POLH: variants seen among roughly 807,000 people sequenced by gnomAD.
The protein encoded by POLH is DNA polymerase eta.
In POLH, 53 loss-of-function variants were observed where a neutral mutation model predicts 73.6. That is an observed-to-expected ratio of 0.72 (90% confidence interval 0.58 to 0.91). POLH has a LOEUF of 0.91. Among genes scored for constraint, POLH ranks in the 40% least tolerant of loss-of-function variants. The pLI is 0.00. For missense variants in POLH, 768 were observed against 865.4 expected (o/e 0.89, Z 1.41); for synonymous variants, 292 against 308.5 (o/e 0.95, Z 0.56).
intron 4 of POLH, chr6:43,588,390 T>TTTTCTTTCTTTCCC (rs1280434931): frequency 4.5e-4 from 69 of 152,210 alleles, no homozygotes; most frequent in African/African-American, 1.6e-3. Context: ...CCTTCCTTTC[T>TTTTCTTTCTTTCCC]TTTCTTTCTT....
intron 4 of POLH, among the ~76,000 whole-genome samples, chr6:43,590,486 C>G (rs1765338791): frequency 6.6e-6 from 1 of 150,750 alleles, no homozygotes; most frequent in Admixed American, 6.6e-5. Flanking sequence ...TTCTTTGAGA[C>G]AGAGCCACTC....
At chr6:43,606,587 C>A (rs1767326629) in intron 9 of POLH, among the ~76,000 whole-genome samples, 1 of 152,026 alleles carries the variant, frequency 6.6e-6, no homozygotes, top group African/African-American at 2.4e-5. Flanking sequence ...TGCCACCATA[C>A]CCAGCTAATT....
chr6:43,589,244 T>C (rs780058804), intron 4 of POLH, among the ~76,000 whole-genome samples: 10 of 152,208 alleles, frequency 6.6e-5, no homozygotes, highest in Non-Finnish European at 1.3e-4. Context: ...TGCAGCGTAA[T>C]CCATGATATG....
At chr6:43,597,264 C>T (rs952309315) in intron 4 of POLH, among the ~76,000 whole-genome samples, 1 of 152,136 alleles carries the variant, frequency 6.6e-6, no homozygotes, top group Non-Finnish European at 1.5e-5. Flanking sequence ...TACAGGCCTG[C>T]ACCACCATGC....
intron 9 of POLH, 132 bp from the exon 10 acceptor site, chr6:43,610,422 C>G (rs1400586247): frequency 9.4e-6 from 7 of 748,336 alleles, no homozygotes; most frequent in East Asian, 2.6e-5. Context: ...TACCTTTATT[C>G]TTGACTTTTA....
chr6:43,604,031 TA>T lies in POLH; in HGVS notation c.884+24del. The T allele has an allele frequency of 1.3e-6, 2 of 1,599,882 alleles. No homozygotes were observed. Among genetic ancestry groups the T allele is most frequent in the African/African-American group, 1.3e-5 (1 of 74,618 alleles). On this transcript the variant is annotated intron_variant, in intron 7 of 10. Transcript: ENST00000372236. ...GAATGGGTAAGTGATTCATTTTTTT[TA>T]AAATCATAACCTTTATGGAGATGCT...
chr6:43,608,194 T>C (rs1437422776), intron 9 of POLH, among the ~76,000 whole-genome samples: 4 of 152,186 alleles, frequency 2.6e-5, no homozygotes, highest in African/African-American at 9.7e-5. Flanking sequence ...CTCTTTATTA[T>C]TGAGTTTTAA....
At chr6:43,581,494 C>T (rs919491770) in intron 1 of POLH, among the ~76,000 whole-genome samples, 2 of 148,580 alleles carry the variant, frequency 1.3e-5, no homozygotes, top group Non-Finnish European at 3.0e-5. Flanking sequence ...GACGGGGTGG[C>T]GGCCGGGCAG....
chr6:43,578,268 T>C (rs1288025997), intron 1 of POLH, among the ~76,000 whole-genome samples: 2 of 152,064 alleles, frequency 1.3e-5, no homozygotes, highest in African/African-American at 4.8e-5. Flanking sequence ...GCGCCTGTAA[T>C]CCCAGCTACT....
In POLH at chr6:43,613,919, A is replaced by G; in HGVS notation, c.1504A>G (p.Thr502Ala). The G allele has an allele frequency of 6.2e-7, 1 of 1,613,830 alleles. No individual in the cohort carries two copies. The highest frequency in any genetic ancestry group is 8.5e-7 in the Non-Finnish European group (1 of 1,180,040). Residue 502 changes from threonine (T) to alanine (A), a missense_variant, in exon 11 of 11, where the codon ACT (threonine) becomes GCT (alanine). Thr to Ala is a moderately conservative substitution (Grantham distance 58, BLOSUM62 0). Coordinates refer to ENST00000372236, the MANE Select transcript of POLH (RefSeq NM_006502.3). The part of the protein sequence containing the change: ...KVKEASLSSL[T>A]APTQAPMSNS... ...TAAAGAAGCTTCGCTTTCATCTCTT[A>G]CTGCTCCCACTCAGGCTCCCATGAG...
intron 6 of POLH, among the ~76,000 whole-genome samples, chr6:43,603,361 G>C (rs963367880): frequency 6.6e-5 from 10 of 151,912 alleles, no homozygotes; most frequent in African/African-American, 2.4e-4. Context: ...AAACTCCTGG[G>C]CTCAGGTGAT....
chr6:43,608,256 G>A (rs2127811563), intron 9 of POLH, among the ~76,000 whole-genome samples: 1 of 152,280 alleles, frequency 6.6e-6, no homozygotes, highest in East Asian at 1.9e-4. Context: ...CATTCTGTGG[G>A]TTTTCTTCTC....
intron 9 of POLH, among the ~76,000 whole-genome samples, chr6:43,607,776 T>G (rs1767461267): frequency 6.6e-6 from 1 of 152,202 alleles, no homozygotes; most frequent in African/African-American, 2.4e-5. Flanking sequence ...CTCATTATGG[T>G]TTGGCTTACA....
At position 43,620,374 on chromosome 6, in the gene POLH, G is replaced by C. The variant is rs928680855; in HGVS notation, c.*5817G>C. ...AAAAACAATGGTGAACGAGATACCA[G>C]CTGGGCTCTTTCCACATTCAGGGCT... On this transcript the variant is annotated 3_prime_UTR_variant, in exon 11 of 11. Coordinates refer to ENST00000372236, the MANE Select transcript of POLH (RefSeq NM_006502.3). 6.0e-6 allele frequency: 3 copies of C among 499,560 alleles called. No individual in the cohort carries two copies. The highest frequency in any genetic ancestry group is 7.9e-6 in the Non-Finnish European group (2 of 253,620). The allele number at this position is 499,560 out of a possible 1,614,324, so 30.9% of individuals were successfully genotyped here. A position where few individuals can be genotyped will look rare whatever the true frequency, so the allele number is the denominator to read the frequency against.
Position 43,614,619 on chromosome 6 carries a change from A to C in POLH, c.*62A>C, listed in dbSNP as rs1561916094. 3 of 1,372,238 alleles carry C rather than the reference A, an allele frequency of 2.2e-6. No individual in the cohort carries two copies. The highest frequency in any genetic ancestry group is 3.0e-6 in the Non-Finnish European group (3 of 987,870). 85.0% of individuals were successfully genotyped at this position (1,372,238 alleles called of 1,614,324 possible). On this transcript the variant is annotated 3_prime_UTR_variant, in exon 11 of 11. Transcript: ENST00000372236. ...TTTATCTTTACAGATCTTTATCTTT[A>C]ATATTTTATCTTTACAGATTTCCCT...
At chr6:43,592,510 C>T (rs992897942) in intron 4 of POLH, among the ~76,000 whole-genome samples, 1 of 150,738 alleles carries the variant, frequency 6.6e-6, no homozygotes, top group South Asian at 2.1e-4. Flanking sequence ...CTCCCGGGTT[C>T]ACGCCATTCT....
chr6:43,585,800 C>T (rs999595027), intron 3 of POLH, among the ~76,000 whole-genome samples: 1 of 151,666 alleles, frequency 6.6e-6, no homozygotes, highest in Admixed American at 6.6e-5. Context: ...CATGTGCCAC[C>T]GTGCTGGCTA....
chr6:43,590,553 A>C (rs901862412), intron 4 of POLH, among the ~76,000 whole-genome samples: 1 of 150,986 alleles, frequency 6.6e-6, no homozygotes, highest in Admixed American at 6.6e-5. Flanking sequence ...CCTCTGCCAG[A>C]ATGAGGTCTT....
intron 4 of POLH, among the ~76,000 whole-genome samples, chr6:43,592,190 A>C (rs1397513952): frequency 2.0e-5 from 3 of 152,170 alleles, no homozygotes; most frequent in Non-Finnish European, 2.9e-5. Flanking sequence ...TGATGTGTGC[A>C]ACCACAAAAA....
Sources: allele counts gnomAD v4.1 joint callset (sites outside exome capture counted in the v4.1 genomes callset), GRCh38; gene constraint gnomAD v4.1.1; transcripts MANE v1.5; gene names NCBI Gene and HGNC (gene_info 2026-07-23, HGNC 2026-07-21).